The following ROBO2 variants were observed in gnomAD, a reference collection of about 807,000 sequenced individuals.
The protein encoded by ROBO2 is roundabout guidance receptor 2.
Under a neutral mutation model 160.8 loss-of-function variants are expected in ROBO2, and 53 were observed. The ratio of observed to expected loss-of-function variants is 0.33; its 90% confidence interval spans 0.26 to 0.41. ROBO2 has a LOEUF of 0.41. Ranked by LOEUF, ROBO2 falls within the 10% of genes least tolerant of loss-of-function variation. ROBO2 has a pLI of 1.00. For synonymous variants in ROBO2, 664 were observed against 611.7 expected (o/e 1.09, Z -1.26); for missense variants, 1,577 against 1,722.4 (o/e 0.92, Z 1.49).
chr3:76,035,337 G>A (rs2067070582), intron 2 of ROBO2, among the ~76,000 whole-genome samples: 1 of 151,822 alleles, frequency 6.6e-6, no homozygotes, highest in South Asian at 2.1e-4. Flanking sequence ...TTCTAGACAT[G>A]TTCTAAGACA....
At chr3:76,360,197 A>T (rs1272528412) in intron 2 of ROBO2, among the ~76,000 whole-genome samples, 2 of 151,994 alleles carry the variant, frequency 1.3e-5, no homozygotes, top group Admixed American at 6.6e-5. Context: ...GACTATCTAA[A>T]TCCATGTCAC....
intron 1 of ROBO2, among the ~76,000 whole-genome samples, chr3:77,052,895 GT>G (rs2065359314): frequency 2.0e-5 from 3 of 152,206 alleles, no homozygotes; most frequent in African/African-American, 7.2e-5. Context: ...ATGAGAAAGT[GT>G]TAAGGGTGGC....
chr3:75,957,768 C>T (rs912039070), intron 2 of ROBO2, among the ~76,000 whole-genome samples: 2 of 151,358 alleles, frequency 1.3e-5, no homozygotes, highest in Non-Finnish European at 3.0e-5. Flanking sequence ...CTTTGTCCTC[C>T]TCTCTACACA....
At chr3:77,402,356 C>A (rs1429685974) in intron 2 of ROBO2, among the ~76,000 whole-genome samples, 1 of 151,932 alleles carries the variant, frequency 6.6e-6, no homozygotes, top group African/African-American at 2.4e-5. Context: ...ATGGGTGCAA[C>A]AAACCACAAT....
chr3:76,988,063 C>G (rs982243259), intron 2 of ROBO2, among the ~76,000 whole-genome samples: 1 of 151,950 alleles, frequency 6.6e-6, no homozygotes, highest in Admixed American at 6.6e-5. Flanking sequence ...AAGGTAATTA[C>G]GAGACAAAAT....
At chr3:76,740,591 C>G (rs1477597569) in intron 2 of ROBO2, among the ~76,000 whole-genome samples, 1 of 152,076 alleles carries the variant, frequency 6.6e-6, no homozygotes, top group African/African-American at 2.4e-5. Context: ...GCATAAAAAG[C>G]TTTGACTTTG....
chr3:76,544,103 C>A (rs1438509944), intron 2 of ROBO2, among the ~76,000 whole-genome samples: 3 of 152,024 alleles, frequency 2.0e-5, no homozygotes, highest in Admixed American at 6.6e-5. Flanking sequence ...TCTATAGATA[C>A]AATGCCACTT....
At chr3:76,126,406 C>T (rs1244558276) in intron 2 of ROBO2, among the ~76,000 whole-genome samples, 1 of 152,058 alleles carries the variant, frequency 6.6e-6, no homozygotes, top group Non-Finnish European at 1.5e-5. Context: ...GACCTGATAG[C>T]ATAACGCTTA....
At chr3:76,476,316 G>A (rs1316912685) in intron 2 of ROBO2, among the ~76,000 whole-genome samples, 1 of 151,874 alleles carries the variant, frequency 6.6e-6, no homozygotes, top group Non-Finnish European at 1.5e-5. Context: ...TTGTAATATT[G>A]TTGTGAATGA....
At chr3:77,039,560 G>T (rs2063862705), upstream of ROBO2, among the ~76,000 whole-genome samples, 1 of 152,166 alleles carries the variant, frequency 6.6e-6, no homozygotes, top group East Asian at 1.9e-4. Flanking sequence ...GGCACCCGGG[G>T]GCGCGGAGAA....
At chr3:77,586,107 G>T (rs926804092) in intron 16 of ROBO2, among the ~76,000 whole-genome samples, 1 of 152,054 alleles carries the variant, frequency 6.6e-6, no homozygotes, top group African/African-American at 2.4e-5. Flanking sequence ...TTACACTGGC[G>T]TAACATTGGT....
At chr3:76,031,439 C>T (rs1187200242) in intron 2 of ROBO2, among the ~76,000 whole-genome samples, 1 of 152,254 alleles carries the variant, frequency 6.6e-6, no homozygotes, top group Admixed American at 6.5e-5. Flanking sequence ...CTGTCTTGTG[C>T]CAGTTTTCAA....
At chr3:76,618,602 C>T (rs957357239) in intron 2 of ROBO2, among the ~76,000 whole-genome samples, 1 of 151,596 alleles carries the variant, frequency 6.6e-6, no homozygotes. Context: ...ATTCCTTGAA[C>T]ATAATGCTCC....
chr3:75,911,920 C>T (rs1946611651), intron 1 of ROBO2, among the ~76,000 whole-genome samples: 1 of 152,122 alleles, frequency 6.6e-6, no homozygotes, highest in Non-Finnish European at 1.5e-5. Flanking sequence ...GTTGTTAGTA[C>T]ATTAAAAAGG....
intron 23 of ROBO2, among the ~76,000 whole-genome samples, chr3:77,625,979 G>A (rs532208091): frequency 2.0e-5 from 3 of 151,984 alleles, no homozygotes; most frequent in Non-Finnish European, 4.4e-5. Flanking sequence ...TAAAGCCTTT[G>A]TCCAGGTTAC....
At chr3:77,243,959 G>A (rs62249670) in intron 2 of ROBO2, among the ~76,000 whole-genome samples, 4,144 of 152,254 alleles carry the variant, frequency 0.027, 64 homozygotes, top group Middle Eastern at 0.054. Context: ...ATTCTGTTGT[G>A]TTTTTCATAG....
chr3:77,561,858 C>T (rs2093331840), intron 9 of ROBO2, among the ~76,000 whole-genome samples: 1 of 152,132 alleles, frequency 6.6e-6, no homozygotes, highest in Non-Finnish European at 1.5e-5. Flanking sequence ...AATCCCAGCA[C>T]TTTGGGAGGC....
At chr3:76,080,787 G>A (rs2068799435) in intron 2 of ROBO2, among the ~76,000 whole-genome samples, 1 of 152,146 alleles carries the variant, frequency 6.6e-6, no homozygotes, top group Non-Finnish European at 1.5e-5. Flanking sequence ...AGATATATGA[G>A]TCTTTATGCA....
At chr3:77,010,963 C>G (rs1041892872) in intron 2 of ROBO2, among the ~76,000 whole-genome samples, 2 of 148,526 alleles carry the variant, frequency 1.3e-5, no homozygotes, top group African/African-American at 5.0e-5. Context: ...CCCTCTCCCT[C>G]TCTGTATTGC....
Sources: allele counts gnomAD v4.1 joint callset (sites outside exome capture counted in the v4.1 genomes callset), GRCh38; gene constraint gnomAD v4.1.1; transcripts MANE v1.5; gene names NCBI Gene and HGNC (gene_info 2026-07-23, HGNC 2026-07-21).